PIDD1: variants seen among roughly 807,000 people sequenced by gnomAD.
PIDD1 encodes p53-induced death domain-containing protein 1.
A neutral mutation model predicts 80.0 loss-of-function variants in PIDD1; 72 were observed. The observed-to-expected ratio is 0.90, with a 90% CI of 0.74 to 1.09. The LOEUF (loss-of-function observed/expected upper bound fraction) is 1.09, where lower values mean the gene tolerates loss of function less well. PIDD1 is among the 50% of genes least tolerant of loss of function. The pLI, the probability that PIDD1 is intolerant of heterozygous loss-of-function variation, is 0.00. For missense variants in PIDD1, 1,329 were observed against 1,228.3 expected, an observed-to-expected ratio of 1.08 and a Z score of -1.23; for synonymous variants, 655 against 543.5, an observed-to-expected ratio of 1.21 and a Z score of -2.85.
At chr11:800,077 G>T (rs758619369) in intron 14 of PIDD1, 54 bp downstream of exon 14, 23 of 1,602,774 alleles carry the variant, frequency 1.4e-5, no homozygotes, top group Non-Finnish European at 1.9e-5. Flanking sequence ...ATGTCACCCT[G>T]GTCACCCCTG....
Position 802,281 on chromosome 11 carries a change from C to CCGG in PIDD1, c.1087_1089dup (p.Pro363dup). On this transcript the variant is annotated inframe_insertion, in exon 6 of 16. Coordinates refer to ENST00000347755, the MANE Select transcript of PIDD1 (RefSeq NM_145886.4). ...GGACCCAGGGGGACGAGGCCTGGCT[C>CCGG]CGGCAGCAGCAGCCGATAGCGGATG... 1 of 1,611,874 alleles carries CCGG rather than the reference C, an allele frequency of 6.2e-7. No homozygotes were observed. The highest frequency in any genetic ancestry group is 8.5e-7 in the Non-Finnish European group (1 of 1,179,586).
chr11:803,345 G>A lies in PIDD1; in HGVS notation c.538C>T (p.His180Tyr). The stretch of plus-strand genomic sequence containing the variant: ...GGGGGCAGCGTCTGCAGGCGGTTGT[G>A]TGTCACTGTGAGGAAGGTGAGGGCG... ...LPALTFLTVT[H>Y]NRLQTLPPAL... The change falls in exon 3 of 16, where the codon CAC becomes TAC. Residue 180 changes from histidine (H) to tyrosine (Y), a missense_variant. Transcript: ENST00000347755. 1 of 1,613,992 alleles carries A rather than the reference G, an allele frequency of 6.2e-7. No individual in the cohort carries two copies. Among genetic ancestry groups the A allele is most frequent in the Non-Finnish European group, 8.5e-7 (1 of 1,180,014 alleles).
chr11:802,035 A>G lies in PIDD1; in HGVS notation c.1232T>C (p.Val411Ala), dbSNP rs151084129. The change falls in exon 7 of 16, where the codon GTG becomes GCG. Residue 411 changes from valine to alanine, a missense_variant. By Grantham distance (64) the Val-to-Ala change is moderately conservative (BLOSUM62 0). Coordinates refer to ENST00000347755, the MANE Select transcript of PIDD1 (RefSeq NM_145886.4). ...GTTGTCATTCCGGGTCCTGACCACC[A>G]CTTCACGGCAGCGCCGGGCCTGCGG... ...TPPQARRCRE[V>A]VVRTRNDNSW... 3.1e-6 allele frequency: 5 copies of G among 1,597,612 alleles called. No individual in the cohort carries two copies. In the Admixed American group the frequency reaches 8.7e-5, roughly 28 times the overall value.
intron 7 of PIDD1, 145 bp from the exon 8 acceptor site, chr11:801,769 G>T (rs1219426737): frequency 1.2e-5 from 11 of 895,306 alleles, no homozygotes; most frequent in Non-Finnish European, 1.7e-6. Context: ...ACGGGGTGGG[G>T]TGGAAGTTGC....
intron 10 of PIDD1, 26 bp from the exon 11 acceptor site, chr11:800,938 C>T: frequency 6.3e-7 from 1 of 1,595,748 alleles, no homozygotes; most frequent in Admixed American, 1.7e-5. Context: ...GTGAGGAGGG[C>T]TGTACAGACT....
Position 801,626 on chromosome 11 carries a change from T to C in PIDD1, c.1303-2A>G. On this transcript the variant is annotated splice_acceptor_variant, in intron 7 of 15. Coordinates refer to ENST00000347755, the MANE Select transcript of PIDD1 (RefSeq NM_145886.4). LOFTEE classifies it high-confidence loss of function. The stretch of plus-strand genomic sequence containing the variant: ...CACCTGGCAGTGAGCCCAGAGCCGC[T>C]GGGATGGGGGAGAGAGGAGGTCACA... 2.6e-6 allele frequency: 4 copies of C among 1,514,924 alleles called. No individual in the cohort carries two copies. The highest frequency in any genetic ancestry group is 3.5e-6 in the Non-Finnish European group (4 of 1,131,070). The allele number at this position is 1,514,924 out of a possible 1,614,324, so 93.8% of individuals were successfully genotyped here.
At chr11:802,451 A>C in intron 5 of PIDD1, 55 bp from the exon 6 acceptor site, 1 of 1,598,202 alleles carries the variant, frequency 6.3e-7, no homozygotes, top group Non-Finnish European at 8.6e-7. Context: ...TACGTGTTGG[A>C]GCCTGGACCC....
upstream of PIDD1, among the ~76,000 whole-genome samples, chr11:808,454 C>T (rs1203579650): frequency 1.3e-5 from 2 of 151,756 alleles, no homozygotes; most frequent in African/African-American, 4.8e-5. Context: ...TGGGGCCGGG[C>T]GCGGTAGCTC....
At chr11:808,884 C>A (rs1865916970), upstream of PIDD1, among the ~76,000 whole-genome samples, 1 of 152,226 alleles carries the variant, frequency 6.6e-6, no homozygotes, top group Admixed American at 6.5e-5. Flanking sequence ...ATACACACCC[C>A]AGGGTTTGCA....
At chr11:799,781 G>C (rs1206068707) in intron 15 of PIDD1, 34 bp downstream of exon 15, 4 of 1,498,712 alleles carry the variant, frequency 2.7e-6, no homozygotes, top group Middle Eastern at 2.0e-4. Flanking sequence ...GCTCAGCCCT[G>C]GGGCTGGCAG....
Position 799,584 on chromosome 11 carries a change from C to T in PIDD1, c.2475-19G>A, listed in dbSNP as rs150597726. ...ATCATCCCTGCAGGCAGAGGATGGG[C>T]GACAGAGGGGTCCTGTCCACCTGCC... On this transcript the variant is annotated intron_variant, in intron 15 of 15. Coordinates refer to ENST00000347755, the MANE Select transcript of PIDD1 (RefSeq NM_145886.4). The T allele has an allele frequency of 5.4e-4, 858 of 1,579,030 alleles. 1 individual carries two copies. The highest frequency in any genetic ancestry group is 2.2e-3 in the Middle Eastern group (13 of 5,984).
chr11:801,969 G>T lies in PIDD1; in HGVS notation c.1298C>A (p.Pro433His). ...GCAGGCCTGGGTGGCCCTCACCTGG[G>T]GTGCCTCTTCCTCCAGGTAGGTCTC... is the stretch of plus-strand genomic sequence containing the variant. ...DLETYLEEEAPQRLWAHCQVP... is the reference protein window; with the variant it reads ...DLETYLEEEAHQRLWAHCQVP... Residue 433 changes from proline to histidine, a missense_variant, in exon 7 of 16, where the codon CCC becomes CAC. Coordinates refer to ENST00000347755, the MANE Select transcript of PIDD1 (RefSeq NM_145886.4). 2 of 1,600,112 alleles carry T rather than the reference G, an allele frequency of 1.2e-6. No individual in the cohort carries two copies. Among genetic ancestry groups the T allele is most frequent in the Non-Finnish European group, 8.5e-7 (1 of 1,174,060 alleles).
chr11:799,625 C>T, intron 15 of PIDD1, 60 bp from the exon 16 acceptor site: 8 of 1,517,908 alleles, frequency 5.3e-6, no homozygotes, highest in Middle Eastern at 1.8e-4. Flanking sequence ...CCCCCCACCA[C>T]ACTCTGCCTC....
rs1865556990 is a variant in PIDD1, at chr11:803,574, C to A, written c.309G>T (p.Arg103=). The change falls in exon 3 of 16, where the codon CGG becomes CGT. Residue 103 remains arginine (R), a synonymous_variant. Coordinates refer to ENST00000347755, the MANE Select transcript of PIDD1 (RefSeq NM_145886.4). ...RSLVLKGGQR[R]DTLGACLRGA... is the part of the protein sequence containing the mutation. ...CCCGGAGACAGGCACCCAGTGTGTC[C>A]CGGCGTTGCCCTCCTGGGAAGGGGG... 2 of 1,607,846 alleles carry A rather than the reference C, an allele frequency of 1.2e-6. No homozygotes were observed. The highest frequency in any genetic ancestry group is 1.7e-5 in the Admixed American group (1 of 59,462).
In PIDD1 at chr11:799,377, C is replaced by T. The variant is rs200466437; in HGVS notation, c.2663G>A (p.Gly888Asp). The T allele has an allele frequency of 7.4e-6, 12 of 1,611,754 alleles. No homozygotes were observed. The highest frequency in any genetic ancestry group is 1.0e-5 in the Non-Finnish European group (12 of 1,179,872). ...CAGAGCGGGGTCCTTGGGGGCCAAG[C>T]CCATGCGTCGGATGCTGTCCTGGTA... ...RKYQDSIRRM[G>D]LAPKDPALPG... The change falls in exon 16 of 16, where the codon GGC becomes GAC. Residue 888 changes from glycine (G) to aspartate (D), a missense_variant. Coordinates refer to ENST00000347755, the MANE Select transcript of PIDD1 (RefSeq NM_145886.4).
rs750378507 is a variant in PIDD1, at chr11:800,163, GGGCGTCTGCGCCCTTCCTCTGCCGGGCA to G, written c.2214_2241del (p.Ala739CysfsTer30). On this transcript the variant is annotated frameshift_variant, in exon 14 of 16. Transcript: ENST00000347755. LOFTEE classifies it high-confidence loss of function. ...TTGATGGGCAGAGTGGCCATCCACA[GGGCGTCTGCGCCCTTCCTCTGCCGGGCA>G]GCCTCAGCCTCCTCGGGCACCCGCA... 13 of 1,610,614 alleles carry G rather than the reference GGGCGTCTGCGCCCTTCCTCTGCCGGGCA, an allele frequency of 8.1e-6. No homozygotes were observed. The highest frequency in any genetic ancestry group is 1.1e-5 in the Non-Finnish European group (13 of 1,179,418).
At chr11:805,500 G>A (rs1166587335), upstream of PIDD1, 1 of 581,332 alleles carries the variant, frequency 1.7e-6, no homozygotes, top group Non-Finnish European at 2.2e-6. Context: ...GGAAGGCCAC[G>A]AAACCCGCCC....
At chr11:808,466 C>T (rs980253019), upstream of PIDD1, among the ~76,000 whole-genome samples, 1 of 150,144 alleles carries the variant, frequency 6.7e-6, no homozygotes, top group Non-Finnish European at 1.5e-5. Context: ...CGGTAGCTCA[C>T]GCCTGTAATC....
At chr11:801,817 T>C (rs867975053) in intron 7 of PIDD1, 148 bp downstream of exon 7, 68 of 948,946 alleles carry the variant, frequency 7.2e-5, no homozygotes, top group Admixed American at 5.4e-4. Context: ...AGGGACGGGG[T>C]GGGGTGGAAG....
Sources: gnomAD v4.1 joint callset for allele counts (sites outside exome capture counted in the v4.1 genomes callset) on GRCh38, gnomAD v4.1.1 for gene constraint, MANE v1.5 for transcripts, NCBI Gene and HGNC (gene_info 2026-07-23, HGNC 2026-07-21) for gene names.